CHST9: variants seen among roughly 807,000 people sequenced by gnomAD.
CHST9 encodes the protein carbohydrate sulfotransferase 9, also known as GalNAc-4-sulfotransferase 2.
CHST9 carries 41 observed loss-of-function variants against 44.4 expected under a neutral mutation model. That is an observed-to-expected ratio of 0.92 (90% CI 0.72 to 1.20). The LOEUF (loss-of-function observed/expected upper bound fraction) is 1.20, where lower values mean the gene tolerates loss of function less well. CHST9 is among the 50% of genes most tolerant of loss of function. The pLI is 0.00. For synonymous variants in CHST9, 171 were observed against 178.4 expected (o/e 0.96, Z 0.33); for missense variants, 504 against 516.5 (o/e 0.98, Z 0.23).
At chr18:27,185,026 G>C (rs900374542) in intron 1 of CHST9, 110 bp downstream of exon 1, 2 of 152,538 alleles carry the variant, frequency 1.3e-5, no homozygotes, top group African/African-American at 2.4e-5. Flanking sequence ...AGGTGAGGGC[G>C]CACGTCCCCG....
At chr18:27,123,585 A>G (rs78228257) in intron 2 of CHST9, among the ~76,000 whole-genome samples, 4,803 of 152,324 alleles carry the variant, frequency 0.032, 161 homozygotes, top group East Asian at 0.2. Context: ...CTAATAGGCA[A>G]TGGGGAAAAA....
chr18:27,026,517 T>A (rs977221354), intron 3 of CHST9, among the ~76,000 whole-genome samples: 4 of 152,218 alleles, frequency 2.6e-5, no homozygotes, highest in African/African-American at 7.2e-5. Flanking sequence ...CTCTCCCACA[T>A]CTCAATAATA....
intron 3 of CHST9, among the ~76,000 whole-genome samples, chr18:27,036,048 T>A (rs1054579559): frequency 6.6e-6 from 1 of 152,152 alleles, no homozygotes; most frequent in South Asian, 2.1e-4. Context: ...AATAAAAATA[T>A]ATAAAATGCT....
chr18:27,042,288 C>A (rs780774006), intron 3 of CHST9, among the ~76,000 whole-genome samples: 5 of 152,108 alleles, frequency 3.3e-5, no homozygotes, highest in Non-Finnish European at 7.4e-5. Flanking sequence ...TTGACCAAGT[C>A]ACATAGCAGG....
intron 2 of CHST9, among the ~76,000 whole-genome samples, chr18:27,085,216 A>G (rs1194680698): frequency 1.3e-5 from 2 of 152,168 alleles, no homozygotes; most frequent in African/African-American, 4.8e-5. Flanking sequence ...CCTGGCAAAG[A>G]GTTTATGATA....
intron 4 of CHST9, among the ~76,000 whole-genome samples, chr18:26,944,756 C>G (rs947507731): frequency 3.9e-5 from 6 of 152,068 alleles, no homozygotes; most frequent in Non-Finnish European, 8.8e-5. Flanking sequence ...CTCAGGGAAC[C>G]CTGAGAACTG....
Position 26,916,532 on chromosome 18 carries a change from G to C in CHST9, c.1059C>G (p.Val353=). ...TCAAACACGGATAGCAGAGTTTGCT[G>C]ACCTTTTCCCAGTGAATGTCCATTC... is the stretch of plus-strand genomic sequence containing the variant. The part of the protein sequence containing the change: ...PVGMDIHWEK[V]SKLCYPCLIN... Residue 353 remains valine (V), a synonymous_variant, in exon 6 of 6, where the codon GTC becomes GTG. Transcript: ENST00000618847. 1 of 1,613,820 alleles carries C rather than the reference G, an allele frequency of 6.2e-7. No homozygotes were observed. Among genetic ancestry groups the C allele is most frequent in the Non-Finnish European group, 8.5e-7 (1 of 1,179,804 alleles).
chr18:26,945,242 G>A (rs771918764), intron 4 of CHST9, among the ~76,000 whole-genome samples: 9 of 152,186 alleles, frequency 5.9e-5, no homozygotes, highest in Non-Finnish European at 1.0e-4. Context: ...TGAGTCACAT[G>A]TAGTTGTAAG....
rs1177419475 is a variant in CHST9 at position 26,906,979 on chromosome 18, T to C, written c.*9280A>G. ...GGCCAGAAATATGCCTGGAGAAGAA[T>C]TGGGATCATGCAGGATATAGAATGT... On this transcript the variant is annotated 3_prime_UTR_variant, in exon 6 of 6. Transcript: ENST00000618847. 6.6e-6 allele frequency: 1 copy of C among 152,118 alleles called. No homozygotes were observed. The highest frequency in any genetic ancestry group is 1.5e-5 in the Non-Finnish European group (1 of 68,080). 9.4% of individuals were successfully genotyped at this position (152,118 alleles called of 1,614,324 possible).
intron 4 of CHST9, among the ~76,000 whole-genome samples, chr18:26,991,175 A>G (rs1032659177): frequency 4.6e-5 from 7 of 152,238 alleles, no homozygotes; most frequent in Admixed American, 4.6e-4. Context: ...AGGCTATGGC[A>G]TATTCCAAAC....
At chr18:27,058,165 C>T (rs1363659047) in intron 2 of CHST9, among the ~76,000 whole-genome samples, 2 of 152,244 alleles carry the variant, frequency 1.3e-5, no homozygotes, top group East Asian at 1.9e-4. Flanking sequence ...GTCTTAATTG[C>T]GTAAGCTGCA....
rs2055532293 is a variant in CHST9, at chr18:26,916,702, G to T, written c.889C>A (p.Pro297Thr). 6.2e-7 allele frequency: 1 copy of T among 1,613,692 alleles called. No individual in the cohort carries two copies. Among genetic ancestry groups the T allele is most frequent in the African/African-American group, 1.3e-5 (1 of 74,882 alleles). The stretch of plus-strand genomic sequence containing the variant: ...AATACTGGATGGTAATAACTATTGG[G>T]GTGTTCAAATTTGTCCCTAAAGGCT... ...VSAFRDKFEH[P>T]NSYYHPVFGK... Residue 297 changes from proline (P) to threonine (T), a missense_variant, in exon 6 of 6, where the codon CCC (proline) becomes ACC (threonine). Physicochemically the swap from Pro to Thr is conservative, Grantham distance 38 (BLOSUM62 -1). Coordinates refer to ENST00000618847, the MANE Select transcript of CHST9 (RefSeq NM_031422.6).
At chr18:27,031,645 C>T (rs1423679893) in intron 3 of CHST9, among the ~76,000 whole-genome samples, 1 of 152,200 alleles carries the variant, frequency 6.6e-6, no homozygotes, top group African/African-American at 2.4e-5. Flanking sequence ...TTTCCTTTCA[C>T]TGTTACAGGA....
chr18:27,171,609 C>T (rs1457988627), intron 1 of CHST9, among the ~76,000 whole-genome samples: 1 of 152,046 alleles, frequency 6.6e-6, no homozygotes, highest in Non-Finnish European at 1.5e-5. Context: ...TGTAAATGTA[C>T]AAGGTTCATA....
chr18:26,945,793 T>G (rs968946871), intron 4 of CHST9, among the ~76,000 whole-genome samples: 2 of 152,198 alleles, frequency 1.3e-5, no homozygotes, highest in Non-Finnish European at 2.9e-5. Context: ...AGAAGTGACA[T>G]TGCTGGGTTA....
At chr18:26,940,657 T>C (rs1375801984) in intron 5 of CHST9, among the ~76,000 whole-genome samples, 1 of 151,904 alleles carries the variant, frequency 6.6e-6, no homozygotes. Context: ...CAACAGGAGA[T>C]CCCATCAGAA....
At chr18:27,033,683 CA>C (rs2057363708) in intron 3 of CHST9, among the ~76,000 whole-genome samples, 1 of 152,184 alleles carries the variant, frequency 6.6e-6, no homozygotes, top group Non-Finnish European at 1.5e-5. Context: ...TGGGTAATCT[CA>C]TTCATTTTGT....
chr18:27,157,412 A>G lies in CHST9; in HGVS notation c.-96-14507T>C, dbSNP rs576407758. On this transcript the variant is annotated intron_variant, in intron 1 of 5. Transcript: ENST00000618847. ...CATGAACTCATTGCTAGCTTCAAGCAATCACATGCAAATATTTATTAAGTT... is the reference window on the plus strand; with the variant it reads ...CATGAACTCATTGCTAGCTTCAAGCGATCACATGCAAATATTTATTAAGTT... 2.0e-3 allele frequency among the ~76,000 whole-genome samples: 311 copies of G among 152,278 alleles called. 1 individual carries two copies. The highest frequency in any genetic ancestry group is 7.3e-3 in the African/African-American group (302 of 41,572).
intron 4 of CHST9, among the ~76,000 whole-genome samples, chr18:26,988,180 T>C (rs1033138375): frequency 6.6e-6 from 1 of 151,750 alleles, no homozygotes; most frequent in Non-Finnish European, 1.5e-5. Flanking sequence ...AGAAAGCAAA[T>C]AGCAAGGAGA....
Sources: gnomAD v4.1 joint callset for allele counts (sites outside exome capture counted in the v4.1 genomes callset) on GRCh38, gnomAD v4.1.1 for gene constraint, MANE v1.5 for transcripts, NCBI Gene and HGNC (gene_info 2026-07-23, HGNC 2026-07-21) for gene names.